LMO7: variants seen among roughly 807,000 people sequenced by gnomAD.
The protein encoded by LMO7 is LIM domain only protein 7.
Under a neutral mutation model 206.5 loss-of-function variants are expected in LMO7, and 120 were observed. The ratio of observed to expected loss-of-function variants is 0.58; its 90% confidence interval spans 0.50 to 0.68. The LOEUF (loss-of-function observed/expected upper bound fraction) is 0.68, where lower values mean the gene tolerates loss of function less well. LMO7 is among the 30% of genes least tolerant of loss of function. LMO7 has a pLI of 0.00. For missense variants in LMO7, 1,959 were observed against 1,957.9 expected (o/e 1.00, Z -0.01); for synonymous variants, 706 against 681.5 (o/e 1.04, Z -0.56).
At chr13:75,710,174 C>A (rs1455804944) in intron 1 of LMO7, among the ~76,000 whole-genome samples, 3 of 151,706 alleles carry the variant, frequency 2.0e-5, no homozygotes, top group African/African-American at 7.2e-5. Context: ...GTTTTGGTAG[C>A]AGTACCATGC....
intron 4 of LMO7, among the ~76,000 whole-genome samples, chr13:75,787,415 G>A (rs896350178): frequency 6.6e-6 from 1 of 152,318 alleles, no homozygotes; most frequent in Non-Finnish European, 1.5e-5. Context: ...TTGAATGCGT[G>A]TGTGTGTGGT....
chr13:75,852,360 A>G (rs953348078), intron 27 of LMO7, among the ~76,000 whole-genome samples: 1 of 152,218 alleles, frequency 6.6e-6, no homozygotes, highest in African/African-American at 2.4e-5. Context: ...TGGGAGGTTG[A>G]GGATCGAAAA....
At chr13:75,843,843 T>C (rs910999936) in intron 25 of LMO7, among the ~76,000 whole-genome samples, 2 of 152,102 alleles carry the variant, frequency 1.3e-5, no homozygotes, top group Admixed American at 6.5e-5. Flanking sequence ...TTATTAGATA[T>C]AAGGAAAGAC....
In LMO7 at chr13:75,800,873, G is replaced by A. The variant is rs1227433064; in HGVS notation, c.652G>A (p.Gly218Arg). ...SCSSDITLRG[G>R]REGFESDTDS... ...CTCCTCTGATATCACGTTGAGAGGG[G>A]GGCGTGAAGGTGTGTTGTGTTTTGG... The change falls in exon 7 of 31, where the codon GGG becomes AGG. Residue 218 changes from glycine to arginine, a missense_variant. By Grantham distance (125) the Gly-to-Arg change is moderately radical. Coordinates refer to ENST00000377534, the MANE Select transcript of LMO7 (RefSeq NM_001306080.2). 3 of 1,613,746 alleles carry A rather than the reference G, an allele frequency of 1.9e-6. No homozygotes were observed. Among genetic ancestry groups the A allele is most frequent in the Admixed American group, 1.7e-5 (1 of 59,980 alleles).
chr13:75,771,252 A>G (rs1374884283), intron 4 of LMO7, among the ~76,000 whole-genome samples: 1 of 152,124 alleles, frequency 6.6e-6, no homozygotes, highest in Non-Finnish European at 1.5e-5. Context: ...AATGTTAAAT[A>G]AGAACATATG....
chr13:75,668,079 A>G (rs1187178203), intron 1 of LMO7, among the ~76,000 whole-genome samples: 1 of 152,122 alleles, frequency 6.6e-6, no homozygotes, highest in Non-Finnish European at 1.5e-5. Context: ...GTGGTGGTGC[A>G]CGCCTGTAAT....
intron 1 of LMO7, among the ~76,000 whole-genome samples, chr13:75,679,088 T>A (rs536806983): frequency 8.5e-5 from 13 of 152,344 alleles, no homozygotes; most frequent in African/African-American, 3.1e-4. Context: ...TTCATTGTTT[T>A]TTCCCCCCTT....
intron 3 of LMO7, among the ~76,000 whole-genome samples, chr13:75,740,803 G>A (rs1011032758): frequency 6.6e-6 from 1 of 152,168 alleles, no homozygotes; most frequent in Non-Finnish European, 1.5e-5. Flanking sequence ...AACTTAAGGA[G>A]GGTGTGGAGG....
chr13:75,806,730 T>C (rs1418870932), intron 9 of LMO7: 1 of 152,218 alleles, frequency 6.6e-6, no homozygotes, highest in East Asian at 1.9e-4. Context: ...CATATACCTA[T>C]TGCATAAAGT....
At chr13:75,809,448 G>A (rs1176433475) in intron 11 of LMO7, among the ~76,000 whole-genome samples, 1 of 152,088 alleles carries the variant, frequency 6.6e-6, no homozygotes, top group Non-Finnish European at 1.5e-5. Flanking sequence ...TTAATGAGTT[G>A]ATTAAAAGTC....
At chr13:75,710,375 T>C (rs1179156636) in intron 1 of LMO7, among the ~76,000 whole-genome samples, 9 of 152,370 alleles carry the variant, frequency 5.9e-5, no homozygotes, top group Non-Finnish European at 1.3e-4. Context: ...ATTGAATCTA[T>C]AAATTACCTT....
rs569472049 is a variant in LMO7 at position 75,747,254 on chromosome 13, A to G, written c.211-13678A>G. Among the ~76,000 whole-genome samples the G allele has an allele frequency of 1.5e-4, 23 of 152,266 alleles. No homozygotes were observed. In the East Asian group the frequency reaches 4.2e-3, roughly 28 times the overall value. On this transcript the variant is annotated intron_variant, in intron 3 of 30. Transcript: ENST00000377534. The stretch of plus-strand genomic sequence containing the variant: ...TCCATGGCACCTCACTGATACCATC[A>G]TAGGGTTTACAATTCAGATTCTTCT...
intron 1 of LMO7, among the ~76,000 whole-genome samples, chr13:75,685,424 A>G (rs891324167): frequency 6.6e-5 from 10 of 152,176 alleles, no homozygotes; most frequent in African/African-American, 2.4e-4. Context: ...TTGTCTTCCA[A>G]AAGAATGCCA....
In LMO7 at chr13:75,840,044, T is replaced by C. The variant is rs190946509; in HGVS notation, c.3452-41T>C. The C allele has an allele frequency of 2.4e-4, 376 of 1,596,674 alleles. 1 individual carries two copies. The African/African-American group carries it at 4.5e-3, about 19-fold the overall frequency. On this transcript the variant is annotated intron_variant, in intron 20 of 30. Coordinates refer to ENST00000377534, the MANE Select transcript of LMO7 (RefSeq NM_001306080.2). ...ATTATTTCATAGAAATGAAGACTTATATTGTATATTTTTCTTCCTTGCCCA... is the reference window on the plus strand; with the variant it reads ...ATTATTTCATAGAAATGAAGACTTACATTGTATATTTTTCTTCCTTGCCCA...
At chr13:75,827,307 C>T (rs2058210105) in intron 15 of LMO7, among the ~76,000 whole-genome samples, 1 of 152,126 alleles carries the variant, frequency 6.6e-6, no homozygotes, top group Non-Finnish European at 1.5e-5. Context: ...GGAATGTAAG[C>T]ACTATGGTGT....
At chr13:75,824,322 C>A (rs1169822626) in intron 15 of LMO7, among the ~76,000 whole-genome samples, 1 of 152,150 alleles carries the variant, frequency 6.6e-6, no homozygotes, top group Non-Finnish European at 1.5e-5. Context: ...AGGGACATGG[C>A]ATTTCTTTTT....
At chr13:75,653,684 G>C (rs1191609323) in intron 1 of LMO7, among the ~76,000 whole-genome samples, 1 of 152,194 alleles carries the variant, frequency 6.6e-6, no homozygotes, top group Non-Finnish European at 1.5e-5. Flanking sequence ...AGTACAACTG[G>C]TAGCAGTCTG....
chr13:75,786,427 T>G (rs1181561522), intron 4 of LMO7, among the ~76,000 whole-genome samples: 1 of 150,978 alleles, frequency 6.6e-6, no homozygotes, highest in Non-Finnish European at 1.5e-5. Flanking sequence ...CAGGCTGGAG[T>G]GCAGTGGCGC....
intron 11 of LMO7, among the ~76,000 whole-genome samples, chr13:75,811,810 A>AT (rs1249516463): frequency 6.6e-5 from 10 of 152,154 alleles, no homozygotes; most frequent in African/African-American, 1.7e-4. Context: ...TTTATGACAA[A>AT]TTTTTTTGTA....
Sources: allele counts gnomAD v4.1 joint callset (sites outside exome capture counted in the v4.1 genomes callset), GRCh38; gene constraint gnomAD v4.1.1; transcripts MANE v1.5; gene names NCBI Gene and HGNC (gene_info 2026-07-23, HGNC 2026-07-21).